The following DLGAP2 variants were observed in gnomAD, a reference collection of about 807,000 sequenced individuals.
DLGAP2 encodes disks large-associated protein 2.
A neutral mutation model predicts 100.3 loss-of-function variants in DLGAP2; 26 were observed. The ratio of observed to expected loss-of-function variants is 0.26; its 90% CI spans 0.19 to 0.36. The LOEUF (loss-of-function observed/expected upper bound fraction) is 0.36, where lower values mean the gene tolerates loss of function less well. Ranked by LOEUF, DLGAP2 falls within the 10% of genes least tolerant of loss-of-function variation. DLGAP2 has a pLI of 1.00. For missense variants in DLGAP2, 1,858 were observed against 1,453.2 expected (o/e 1.28, Z -4.53); for synonymous variants, 886 against 630.1 (o/e 1.41, Z -6.08).
chr8:1,599,200 G>T (rs1796548353), intron 6 of DLGAP2, among the ~76,000 whole-genome samples: 1 of 152,186 alleles, frequency 6.6e-6, no homozygotes, highest in South Asian at 2.1e-4. Context: ...TTAATCCTGA[G>T]TTCTAATTTG....
intron 3 of DLGAP2, among the ~76,000 whole-genome samples, chr8:1,387,017 T>C (rs1278748983): frequency 6.6e-6 from 1 of 152,156 alleles, no homozygotes; most frequent in Non-Finnish European, 1.5e-5. Context: ...TAATACTAAA[T>C]GTTAATTGGA....
chr8:1,440,663 C>G (rs954334719), intron 3 of DLGAP2, among the ~76,000 whole-genome samples: 1 of 152,212 alleles, frequency 6.6e-6, no homozygotes. Context: ...ACCGGCTGAG[C>G]GTGGATTGTC....
chr8:909,845 A>G (rs1798450209), intron 2 of DLGAP2, among the ~76,000 whole-genome samples: 1 of 152,204 alleles, frequency 6.6e-6, no homozygotes, highest in Non-Finnish European at 1.5e-5. Flanking sequence ...TTGCTCCAGT[A>G]TGTCCGAAGC....
chr8:1,196,593 C>T (rs1448001008), intron 2 of DLGAP2, among the ~76,000 whole-genome samples: 2 of 152,222 alleles, frequency 1.3e-5, no homozygotes, highest in African/African-American at 4.8e-5. Flanking sequence ...TCATCACCAA[C>T]AGCACTTGTG....
intron 1 of DLGAP2, among the ~76,000 whole-genome samples, chr8:763,542 G>C (rs947019443): frequency 6.6e-6 from 1 of 152,196 alleles, no homozygotes; most frequent in Non-Finnish European, 1.5e-5. Flanking sequence ...TTGCTCGAAA[G>C]GGTCTGTTGA....
intron 2 of DLGAP2, among the ~76,000 whole-genome samples, chr8:1,051,058 G>A (rs1181200154): frequency 6.7e-6 from 1 of 149,698 alleles, no homozygotes; most frequent in African/African-American, 2.5e-5. Flanking sequence ...CATTTCGTGG[G>A]TGGGGGTCAT....
chr8:1,679,497 T>G (rs1409987872), intron 12 of DLGAP2, among the ~76,000 whole-genome samples: 1 of 151,488 alleles, frequency 6.6e-6, no homozygotes, highest in African/African-American at 2.4e-5. Flanking sequence ...GTGTCATTCC[T>G]CTACCAGAGT....
intron 3 of DLGAP2, among the ~76,000 whole-genome samples, chr8:1,441,376 A>T (rs181760497): frequency 2.0e-4 from 31 of 152,294 alleles, no homozygotes; most frequent in African/African-American, 6.7e-4. Context: ...TCTGAGAGCG[A>T]TCAACCTAAG....
intron 2 of DLGAP2, among the ~76,000 whole-genome samples, chr8:1,121,033 T>C (rs12544013): frequency 0.11 from 16,343 of 150,582 alleles, 1,005 homozygotes; most frequent in East Asian, 0.19. Context: ...TGGCCACGCA[T>C]CCTTGTCCCT....
intron 3 of DLGAP2, among the ~76,000 whole-genome samples, chr8:1,445,537 C>G (rs1289842851): frequency 4.6e-5 from 7 of 151,978 alleles, no homozygotes; most frequent in Non-Finnish European, 8.8e-5. Context: ...GTGAATAGTG[C>G]CGCAATAAAC....
intron 3 of DLGAP2, among the ~76,000 whole-genome samples, chr8:1,318,256 C>T (rs543800552): frequency 6.6e-6 from 1 of 152,278 alleles, no homozygotes; most frequent in Admixed American, 6.5e-5. Flanking sequence ...TTTGATTTCT[C>T]CAAATCGTGG....
intron 4 of DLGAP2, among the ~76,000 whole-genome samples, chr8:1,503,030 A>G (rs560334485): frequency 1.3e-5 from 2 of 151,902 alleles, no homozygotes; most frequent in South Asian, 4.2e-4. Context: ...TCCGTGGTTG[A>G]GAGTTTGTTT....
intron 3 of DLGAP2, among the ~76,000 whole-genome samples, chr8:1,341,748 T>G (rs896824902): frequency 6.6e-6 from 1 of 152,156 alleles, no homozygotes; most frequent in Admixed American, 6.5e-5. Flanking sequence ...TAGCAGGGTG[T>G]GCTAGCAGGT....
intron 6 of DLGAP2, among the ~76,000 whole-genome samples, chr8:1,625,251 T>C (rs1239133992): frequency 6.6e-6 from 1 of 152,246 alleles, no homozygotes; most frequent in African/African-American, 2.4e-5. Context: ...GAATAATTAA[T>C]CATTTCTGTC....
At chr8:1,339,424 A>G (rs767906719) in intron 3 of DLGAP2, among the ~76,000 whole-genome samples, 5 of 151,930 alleles carry the variant, frequency 3.3e-5, no homozygotes, top group Non-Finnish European at 7.3e-5. Flanking sequence ...GGCATCAGCA[A>G]GAAGGTGATT....
rs138999132 is a variant in DLGAP2, at chr8:1,607,167, T to C, written c.1443-19573T>C. ...TAAATTAGTTGCATATGTAACATTA[T>C]ATTATTGTATTGTTTTCATATACAT... On this transcript the variant is annotated intron_variant, in intron 6 of 14. Coordinates refer to ENST00000637795, the MANE Select transcript of DLGAP2 (RefSeq NM_001346810.2). 3.0e-4 allele frequency among the ~76,000 whole-genome samples: 45 copies of C among 152,382 alleles called. 1 individual carries two copies. In the East Asian group the frequency reaches 5.0e-3, roughly 17 times the overall value.
chr8:1,707,717 A>G lies in DLGAP2; in HGVS notation c.*6311A>G, dbSNP rs1024431482. 1.3e-5 allele frequency: 2 copies of G among 152,318 alleles called. No individual in the cohort carries two copies. The highest frequency in any genetic ancestry group is 4.8e-5 in the African/African-American group (2 of 41,562). 9.4% of individuals were successfully genotyped at this position (152,318 alleles called of 1,614,324 possible). A position where few individuals can be genotyped will look rare whatever the true frequency, so the allele number is the denominator to read the frequency against. On this transcript the variant is annotated 3_prime_UTR_variant, in exon 15 of 15. Coordinates refer to ENST00000637795, the MANE Select transcript of DLGAP2 (RefSeq NM_001346810.2). ...CTAAGGACTATATTAAATGCCTCCT[A>G]TAGAAATTCAAGGAATGTTAGAACC...
chr8:1,188,823 T>C (rs973831328), intron 2 of DLGAP2, among the ~76,000 whole-genome samples: 1 of 144,876 alleles, frequency 6.9e-6, no homozygotes, highest in African/African-American at 2.9e-5. Flanking sequence ...CCTCAGGATG[T>C]GCCTTTTTTT....
At chr8:1,282,269 C>G (rs1321976234) in intron 3 of DLGAP2, among the ~76,000 whole-genome samples, 1 of 146,702 alleles carries the variant, frequency 6.8e-6, no homozygotes, top group Non-Finnish European at 1.5e-5. Context: ...GCGCCCTGAA[C>G]CATCCGGACA....
Sources: allele counts gnomAD v4.1 joint callset (sites outside exome capture counted in the v4.1 genomes callset), GRCh38; gene constraint gnomAD v4.1.1; transcripts MANE v1.5; gene names NCBI Gene and HGNC (gene_info 2026-07-23, HGNC 2026-07-21).